DYM: variants seen among roughly 807,000 people sequenced by gnomAD.
The protein encoded by DYM is dyggve-Melchior-Clausen syndrome protein.
Under a neutral mutation model 93.1 loss-of-function variants are expected in DYM, and 78 were observed. The ratio of observed to expected loss-of-function variants is 0.84; its 90% confidence interval spans 0.70 to 1.01. The LOEUF (loss-of-function observed/expected upper bound fraction) is 1.01. Among genes scored for constraint, DYM ranks in the 50% least tolerant of loss-of-function variants. The pLI, the probability that DYM is intolerant of heterozygous loss-of-function variation, is 0.00. For missense variants in DYM, 789 were observed against 845.0 expected, an observed-to-expected ratio of 0.93 and a Z score of 0.82; for synonymous variants, 321 against 319.7, an observed-to-expected ratio of 1.00 and a Z score of -0.04.
intron 15 of DYM, among the ~76,000 whole-genome samples, chr18:49,127,349 C>T (rs1330253683): frequency 1.3e-5 from 2 of 152,156 alleles, no homozygotes; most frequent in African/African-American, 4.8e-5. Context: ...AGAAGTTGGC[C>T]ATTGTGGGAA....
At chr18:49,267,830 G>C (rs568458508) in intron 11 of DYM, among the ~76,000 whole-genome samples, 1 of 152,116 alleles carries the variant, frequency 6.6e-6, no homozygotes, top group South Asian at 2.1e-4. Flanking sequence ...CCCACGAGGC[G>C]GAGGTTGCAG....
At chr18:49,120,425 A>G (rs2082283174) in intron 15 of DYM, among the ~76,000 whole-genome samples, 1 of 152,182 alleles carries the variant, frequency 6.6e-6, no homozygotes, top group Admixed American at 6.5e-5. Flanking sequence ...AGGAGTGGCT[A>G]TACAGTATAC....
chr18:49,251,646 A>G (rs1324106629), intron 13 of DYM, among the ~76,000 whole-genome samples: 2 of 152,172 alleles, frequency 1.3e-5, no homozygotes, highest in South Asian at 2.1e-4. Context: ...ATGTCAACGC[A>G]CTTCATCCTC....
chr18:49,038,233 T>C lies in DYM; in HGVS notation c.*5822A>G, dbSNP rs1260942313. ...ACATCCGTTTGGTTTGCTCATTTCA[T>C]TGCTTAAATCTTTTATAACTTGATT... On this transcript the variant is annotated 3_prime_UTR_variant, in exon 18 of 18. Transcript: ENST00000675505. Among the ~76,000 whole-genome samples the C allele has an allele frequency of 1.3e-5, 2 of 152,200 alleles. No homozygotes were observed. Among genetic ancestry groups the C allele is most frequent in the African/African-American group, 4.8e-5 (2 of 41,434 alleles).
intron 15 of DYM, among the ~76,000 whole-genome samples, chr18:49,158,910 G>A (rs1427456952): frequency 3.3e-5 from 5 of 152,068 alleles, no homozygotes; most frequent in Non-Finnish European, 7.4e-5. Flanking sequence ...AGCATAATTG[G>A]ATTGTTTGTA....
intron 15 of DYM, among the ~76,000 whole-genome samples, chr18:49,161,513 C>T (rs1342685449): frequency 6.6e-6 from 1 of 152,098 alleles, no homozygotes; most frequent in African/African-American, 2.4e-5. Flanking sequence ...GACCCAAATT[C>T]AAGTTTTTGG....
At chr18:49,367,806 C>T (rs1029582309) in intron 5 of DYM, among the ~76,000 whole-genome samples, 5 of 152,024 alleles carry the variant, frequency 3.3e-5, no homozygotes, top group African/African-American at 1.2e-4. Context: ...CAGGGCTGTA[C>T]TCCAAAAATA....
chr18:49,281,834 T>G (rs1184136376), intron 10 of DYM, among the ~76,000 whole-genome samples, 163 bp downstream of exon 10: 1 of 152,098 alleles, frequency 6.6e-6, no homozygotes, highest in African/African-American at 2.4e-5. Flanking sequence ...GGATAGCATT[T>G]GGCGATATAC....
At chr18:49,457,093 C>T (rs146060871) in intron 1 of DYM, among the ~76,000 whole-genome samples, 117 of 152,350 alleles carry the variant, frequency 7.7e-4, no homozygotes, top group African/African-American at 2.6e-3. Context: ...TCTAGGCTCA[C>T]AGCACTCTAC....
intron 5 of DYM, among the ~76,000 whole-genome samples, chr18:49,370,280 G>GAAAAAA (rs35985394): frequency 5.0e-5 from 6 of 121,010 alleles, no homozygotes; most frequent in African/African-American, 7.0e-5. Context: ...CTCCATCTCA[G>GAAAAAA]AAAAAAAAAA....
At chr18:49,131,370 G>A (rs1251130113) in intron 15 of DYM, among the ~76,000 whole-genome samples, 1 of 151,920 alleles carries the variant, frequency 6.6e-6, no homozygotes, top group African/African-American at 2.4e-5. Context: ...GCTCCACCAC[G>A]CCTGACTGAT....
intron 17 of DYM, among the ~76,000 whole-genome samples, chr18:49,096,492 T>G (rs115962494): frequency 2.0e-5 from 3 of 152,186 alleles, no homozygotes; most frequent in Non-Finnish European, 4.4e-5. Context: ...CAAAACACTA[T>G]GAAGGCCAAA....
chr18:49,162,562 G>C (rs2087292762), intron 15 of DYM, among the ~76,000 whole-genome samples: 1 of 152,164 alleles, frequency 6.6e-6, no homozygotes, highest in South Asian at 2.1e-4. Flanking sequence ...ACCTATTCAA[G>C]GTCCCACTTC....
intron 6 of DYM, among the ~76,000 whole-genome samples, chr18:49,340,015 A>G (rs960464309): frequency 6.6e-6 from 1 of 152,094 alleles, no homozygotes; most frequent in Non-Finnish European, 1.5e-5. Flanking sequence ...CAGTGGCGCC[A>G]TCTCGGCTCA....
chr18:49,208,808 T>C (rs2092646328), intron 14 of DYM: 1 of 151,506 alleles, frequency 6.6e-6, no homozygotes, highest in Non-Finnish European at 1.5e-5. Context: ...AGTCATCTCT[T>C]ACTTAGAAAA....
At chr18:49,077,934 C>T (rs1360942097) in intron 17 of DYM, among the ~76,000 whole-genome samples, 8 of 152,198 alleles carry the variant, frequency 5.3e-5, no homozygotes, top group Admixed American at 4.6e-4. Context: ...GGTCCATTAA[C>T]ATTCCATGTA....
At chr18:49,334,387 G>C (rs1176731504) in intron 6 of DYM, among the ~76,000 whole-genome samples, 1 of 152,112 alleles carries the variant, frequency 6.6e-6, no homozygotes, top group Non-Finnish European at 1.5e-5. Context: ...CAGTAAACAA[G>C]TTATTCCTGT....
At chr18:49,448,612 A>C (rs966295421) in intron 1 of DYM, among the ~76,000 whole-genome samples, 25 of 152,084 alleles carry the variant, frequency 1.6e-4, no homozygotes, top group Non-Finnish European at 1.0e-4. Context: ...CATGTTCAAC[A>C]AGGTGCCTGG....
chr18:49,283,189 G>A (rs1315846669), intron 9 of DYM, among the ~76,000 whole-genome samples: 2 of 152,140 alleles, frequency 1.3e-5, no homozygotes, highest in East Asian at 1.9e-4. Context: ...AATATCTCAT[G>A]TAATTTATCA....
Sources: gnomAD v4.1 joint callset for allele counts (sites outside exome capture counted in the v4.1 genomes callset) on GRCh38, gnomAD v4.1.1 for gene constraint, MANE v1.5 for transcripts, NCBI Gene and HGNC (gene_info 2026-07-23, HGNC 2026-07-21) for gene names.